AP1G1: variants seen among roughly 807,000 people sequenced by gnomAD.
The protein encoded by AP1G1 is adaptor related protein complex 1 subunit gamma 1.
A neutral mutation model predicts 108.3 loss-of-function variants in AP1G1; 7 were observed. The ratio of observed to expected loss-of-function variants is 0.06; its 90% CI spans 0.04 to 0.12. AP1G1 has a LOEUF of 0.12. AP1G1 is among the 10% of genes least tolerant of loss of function. The pLI, the probability that AP1G1 is intolerant of heterozygous loss-of-function variation, is 1.00. For missense variants in AP1G1, 756 were observed against 1,010.7 expected, an observed-to-expected ratio of 0.75 and a Z score of 3.42; for synonymous variants, 379 against 353.5, an observed-to-expected ratio of 1.07 and a Z score of -0.81.
At chr16:71,738,427 T>C (rs1436512453) in intron 21 of AP1G1, among the ~76,000 whole-genome samples, 2 of 152,178 alleles carry the variant, frequency 1.3e-5, no homozygotes, top group Middle Eastern at 3.2e-3. Context: ...AAACCAAACC[T>C]TGATTCACAA....
intron 19 of AP1G1, among the ~76,000 whole-genome samples, 172 bp from the exon 20 acceptor site, chr16:71,739,513 G>A (rs967883442): frequency 1.4e-4 from 21 of 151,998 alleles, no homozygotes; most frequent in African/African-American, 5.1e-4. Context: ...TTTAAAACGA[G>A]CAACTTCTGT....
At chr16:71,745,756 AT>A in intron 17 of AP1G1, 142 bp from the exon 18 acceptor site, 1 of 755,268 alleles carries the variant, frequency 1.3e-6, no homozygotes, top group Non-Finnish European at 2.2e-6. Context: ...TAGAAGGTAG[AT>A]TACAAGAATA....
At chr16:71,748,815 T>C (rs1308608492) in intron 15 of AP1G1, among the ~76,000 whole-genome samples, 1 of 152,184 alleles carries the variant, frequency 6.6e-6, no homozygotes, top group Non-Finnish European at 1.5e-5. Context: ...GAAACAGTAA[T>C]TCAGTCCACT....
At position 71,741,336 on chromosome 16, in the gene AP1G1, A is replaced by G. The variant is rs1252923335; in HGVS notation, c.2000-1995T>C. Among the ~76,000 whole-genome samples the G allele has an allele frequency of 2.0e-5, 3 of 152,212 alleles. No homozygotes were observed. The South Asian group carries it at 6.2e-4, about 32-fold the overall frequency. On this transcript the variant is annotated intron_variant, in intron 19 of 22. Transcript: ENST00000299980. ...GATGGCTCATGCCTGTAATCCCAGC[A>G]CTTTGGGAGGTCGAGGCGGGTGGAT...
In AP1G1 at chr16:71,730,637, A is replaced by C. The variant is rs1470951907; in HGVS notation, c.*2421T>G. The C allele has an allele frequency of 6.5e-6, 1 of 152,676 alleles. No individual in the cohort carries two copies. Among genetic ancestry groups the C allele is most frequent in the Non-Finnish European group, 1.5e-5 (1 of 68,040 alleles). The allele number at this position is 152,676 out of a possible 1,614,324, so 9.5% of individuals were successfully genotyped here. A position where few individuals can be genotyped will look rare whatever the true frequency, so the allele number is the denominator to read the frequency against. On this transcript the variant is annotated 3_prime_UTR_variant, in exon 23 of 23. Transcript: ENST00000299980. ...GAAACTAAGGCACGCTGAAGCTTTC[A>C]AAGATCCAATCATTTGAAACAGTCT...
chr16:71,737,881 G>T (rs144280013), intron 21 of AP1G1, among the ~76,000 whole-genome samples: 8 of 152,350 alleles, frequency 5.3e-5, no homozygotes, highest in Non-Finnish European at 1.0e-4. Context: ...CATTTTATTG[G>T]AACAGAACTA....
intron 13 of AP1G1, chr16:71,751,253 G>T (rs2030487297): frequency 6.6e-6 from 1 of 151,780 alleles, no homozygotes; most frequent in Non-Finnish European, 1.5e-5. Context: ...GATGGCTGAA[G>T]CAAGATGACT....
intron 6 of AP1G1, among the ~76,000 whole-genome samples, chr16:71,766,865 T>G (rs973400959): frequency 6.6e-5 from 10 of 152,142 alleles, no homozygotes; most frequent in African/African-American, 2.4e-4. Flanking sequence ...TAAACAAAAG[T>G]CTACTTTGGA....
chr16:71,756,104 T>C lies in AP1G1; in HGVS notation c.1144A>G (p.Met382Val), dbSNP rs766827918. ...LVNGNNIRGM[M>V]KELLYFLDSC... is the part of the protein sequence containing the mutation. Reference sequence around the variant, plus strand: ...TCCAGAAAATAAAGTAATTCTTTCATCATGCCTCGGATATTATTCCCATTT... The same window carrying C: ...TCCAGAAAATAAAGTAATTCTTTCACCATGCCTCGGATATTATTCCCATTT... The change falls in exon 12 of 23, where the codon ATG becomes GTG. Residue 382 changes from methionine to valine, a missense_variant. By Grantham distance (21) the Met-to-Val change is conservative. This residue lies in a region of AP1G1 where 304 missense variants were observed against 483.6 expected (regional missense o/e 0.63). Coordinates refer to ENST00000299980, the MANE Select transcript of AP1G1 (RefSeq NM_001128.6). 6.2e-7 allele frequency: 1 copy of C among 1,613,820 alleles called. No homozygotes were observed. The highest frequency in any genetic ancestry group is 8.5e-7 in the Non-Finnish European group (1 of 1,179,846).
chr16:71,743,005 A>G (rs1210542956), intron 19 of AP1G1: 1 of 152,104 alleles, frequency 6.6e-6, no homozygotes, highest in Non-Finnish European at 1.5e-5. Flanking sequence ...AAACTACCCA[A>G]TACTAACGAA....
intron 15 of AP1G1, among the ~76,000 whole-genome samples, chr16:71,748,659 T>C (rs2030314438): frequency 6.6e-6 from 1 of 152,114 alleles, no homozygotes; most frequent in African/African-American, 2.4e-5. Flanking sequence ...GAGCTTCAAG[T>C]GGCAGAAACA....
At position 71,774,500 on chromosome 16, in the gene AP1G1, A is replaced by G. The variant is rs1296855368; in HGVS notation, c.294T>C (p.Asp98=). ...TACAGTTGGTCATGAGAAGATGGAC[A>G]TCTTGTCTTTCATCTAACAGCAGCA... ...GAMLLLDERQ[D]VHLLMTNCIK... The change falls in exon 3 of 23, where the codon GAT becomes GAC. Residue 98 remains aspartate (D), a synonymous_variant. Transcript: ENST00000299980. 1.2e-6 allele frequency: 2 copies of G among 1,603,580 alleles called. No individual in the cohort carries two copies. Among genetic ancestry groups the G allele is most frequent in the East Asian group, 2.2e-5 (1 of 44,694 alleles).
At chr16:71,772,478 A>T (rs1287912424) in intron 4 of AP1G1, among the ~76,000 whole-genome samples, 1 of 152,136 alleles carries the variant, frequency 6.6e-6, no homozygotes, top group African/African-American at 2.4e-5. Flanking sequence ...TATGACAATG[A>T]GCTTTCTGAA....
chr16:71,802,540 T>C (rs967767778), intron 1 of AP1G1, among the ~76,000 whole-genome samples: 4 of 151,630 alleles, frequency 2.6e-5, no homozygotes, highest in Non-Finnish European at 5.9e-5. Context: ...GACCAGCCTG[T>C]CCAACATGGT....
chr16:71,784,849 G>A lies in AP1G1; in HGVS notation c.201+4430C>T, dbSNP rs538073459. ...GCCAGGATTACAGGCGTAAGTCACC[G>A]TGTCCATCCTACCCCTTAAGTTTTA... is the stretch of plus-strand genomic sequence containing the variant. On this transcript the variant is annotated intron_variant, in intron 2 of 22. Transcript: ENST00000299980. Among the ~76,000 whole-genome samples the A allele has an allele frequency of 6.6e-5, 10 of 150,972 alleles. No homozygotes were observed. In the South Asian group the frequency reaches 1.7e-3, roughly 25 times the overall value.
At chr16:71,765,870 A>C (rs1396937680) in intron 6 of AP1G1, among the ~76,000 whole-genome samples, 5 of 152,224 alleles carry the variant, frequency 3.3e-5, no homozygotes, top group Admixed American at 6.5e-5. Context: ...GCCTATGGGA[A>C]CCAGGTAAAA....
At chr16:71,803,525 C>T (rs560043047) in intron 1 of AP1G1, among the ~76,000 whole-genome samples, 4 of 152,120 alleles carry the variant, frequency 2.6e-5, no homozygotes, top group Admixed American at 6.6e-5. Context: ...TTTTTTTCTC[C>T]CACTTCTGGA....
At chr16:71,790,847 C>CA (rs1298373234) in intron 1 of AP1G1, among the ~76,000 whole-genome samples, 3 of 152,164 alleles carry the variant, frequency 2.0e-5, no homozygotes, top group Admixed American at 1.3e-4. Context: ...CACACAACCA[C>CA]AAAGTATAAA....
At chr16:71,767,231 A>G (rs1347247011) in intron 6 of AP1G1, among the ~76,000 whole-genome samples, 4 of 152,248 alleles carry the variant, frequency 2.6e-5, no homozygotes. Context: ...AATGTTCAGC[A>G]TACAATTCTT....
Sources: gnomAD v4.1 joint callset for allele counts (sites outside exome capture counted in the v4.1 genomes callset) on GRCh38, gnomAD v4.1.1 for gene constraint, gnomAD v4.1.1 regional missense constraint, MANE v1.5 for transcripts, NCBI Gene and HGNC (gene_info 2026-07-23, HGNC 2026-07-21) for gene names.